The following VHLL variants were observed in gnomAD, a reference collection of about 807,000 sequenced individuals.
VHLL encodes the protein von Hippel-Lindau-like protein.
Under a neutral mutation model 3.5 loss-of-function variants are expected in VHLL, and 4 were observed. The ratio of observed to expected loss-of-function variants is 1.13; its 90% confidence interval spans 0.56 to 2.59. VHLL has a LOEUF of 2.59. VHLL is among the 30% of genes most tolerant of loss of function. The pLI is 0.02. For synonymous variants in VHLL, 77 were observed against 76.0 expected (o/e 1.01, Z -0.07); for missense variants, 155 against 178.2 (o/e 0.87, Z 0.74).
In VHLL at chr1:156,299,306, A is replaced by G; in HGVS notation, c.-117T>C. 2.3e-6 allele frequency: 3 copies of G among 1,304,884 alleles called. No homozygotes were observed. Among genetic ancestry groups the G allele is most frequent in the Non-Finnish European group, 3.1e-6 (3 of 955,774 alleles). The allele number at this position is 1,304,884 out of a possible 1,614,324, so 80.8% of individuals were successfully genotyped here. A position where few individuals can be genotyped will look rare whatever the true frequency, so the allele number is the denominator to read the frequency against. On this transcript the variant is annotated 5_prime_UTR_variant, in exon 1 of 1. Coordinates refer to ENST00000339922, the MANE Select transcript of VHLL (RefSeq NM_001004319.3). ...GAATCAGAAAGGCTGGGAGTATATA[A>G]CCCCCTACCTGGGTGGTAAGCAAGA...
Position 156,299,254 on chromosome 1 carries a change from AC to A in VHLL, c.-66del. 1 of 1,506,312 alleles carries A rather than the reference AC, an allele frequency of 6.6e-7. No homozygotes were observed. Among genetic ancestry groups the A allele is most frequent in the South Asian group, 1.3e-5 (1 of 74,118 alleles). 93.3% of individuals were successfully genotyped at this position (1,506,312 alleles called of 1,614,324 possible). A position where few individuals can be genotyped will look rare whatever the true frequency, so the allele number is the denominator to read the frequency against. The stretch of plus-strand genomic sequence containing the variant: ...GTTCTTAAAGAGACTACTTCCGTTC[AC>A]CCGGATTTCGGCAAGAGTTACAATG... On this transcript the variant is annotated 5_prime_UTR_variant, in exon 1 of 1. Coordinates refer to ENST00000339922, the MANE Select transcript of VHLL (RefSeq NM_001004319.3).
At position 156,299,002 on chromosome 1, in the gene VHLL, G is replaced by A; in HGVS notation, c.188C>T (p.Pro63Leu). ...LSRIIICNHSPRIVLPVWLNY... is the reference protein window; with the variant it reads ...LSRIIICNHSLRIVLPVWLNY... ...GAGCCACACAGGCAGCACGATTCGTGGGCTGTGATTGCAGATGATGATCCG... is the reference window on the plus strand; with the variant it reads ...GAGCCACACAGGCAGCACGATTCGTAGGCTGTGATTGCAGATGATGATCCG... Residue 63 changes from proline (P) to leucine (L), a missense_variant, in exon 1 of 1, where the codon CCA becomes CTA. Coordinates refer to ENST00000339922, the MANE Select transcript of VHLL (RefSeq NM_001004319.3). The A allele has an allele frequency of 6.2e-7, 1 of 1,613,616 alleles. No individual in the cohort carries two copies. Among genetic ancestry groups the A allele is most frequent in the Non-Finnish European group, 8.5e-7 (1 of 1,180,034 alleles).
chr1:156,298,886 T>C lies in VHLL; in HGVS notation c.304A>G (p.Arg102Gly), dbSNP rs755845455. 1.1e-5 allele frequency: 17 copies of C among 1,614,116 alleles called. No homozygotes were observed. The Admixed American group carries it at 2.7e-4, about 25-fold the overall frequency. The change falls in exon 1 of 1, where the codon AGA (arginine) becomes GGA (glycine). Residue 102 changes from arginine to glycine, a missense_variant. Transcript: ENST00000339922. Reference protein sequence around the residue: ...HNFRSHPWLFRDARTHDKLLV... With the variant: ...HNFRSHPWLFGDARTHDKLLV... Reference sequence around the variant, plus strand: ...AGCTTATCATGTGTCCTTGCATCTCTGAAGAGCCAAGGGTGGCTTCGGAAG... The same window carrying C: ...AGCTTATCATGTGTCCTTGCATCTCCGAAGAGCCAAGGGTGGCTTCGGAAG...
Position 156,298,922 on chromosome 1 carries a change from G to A in VHLL, c.268C>T (p.Arg90Cys), listed in dbSNP as rs1251713350. Residue 90 changes from arginine (R) to cysteine (C), a missense_variant, in exon 1 of 1, where the codon CGC (arginine) becomes TGC (cysteine). Arg to Cys is a radical substitution (Grantham distance 180). Coordinates refer to ENST00000339922, the MANE Select transcript of VHLL (RefSeq NM_001004319.3). Reference sequence around the variant, plus strand: ...GGGTGGCTTCGGAAGTTGTGGATGCGGAAGTCCCTGCCGGGCAGCAGCGTC... The same window carrying A: ...GGGTGGCTTCGGAAGTTGTGGATGCAGAAGTCCCTGCCGGGCAGCAGCGTC... ...YLTLLPGRDF[R>C]IHNFRSHPWL... is the part of the protein sequence containing the mutation. The A allele has an allele frequency of 9.3e-6, 15 of 1,614,036 alleles. No homozygotes were observed. The highest frequency in any genetic ancestry group is 3.3e-5 in the South Asian group (3 of 91,088).
rs765103329 is a variant in VHLL, at chr1:156,299,087, C to T, written c.103G>A (p.Glu35Lys). 5.0e-6 allele frequency: 8 copies of T among 1,613,494 alleles called. No homozygotes were observed. The highest frequency in any genetic ancestry group is 5.9e-6 in the Non-Finnish European group (7 of 1,179,972). The stretch of plus-strand genomic sequence containing the variant: ...GGCCATGCTGCTCTGGCTGCCATCT[C>T]CTCCTCGGCGCCCAACTCTTCCTGG... ...YCQEELGAEE[E>K]MAARAAWPVL... The change falls in exon 1 of 1, where the codon GAG (glutamate) becomes AAG (lysine). Residue 35 changes from glutamate (E) to lysine (K), a missense_variant. By Grantham distance (56) the Glu-to-Lys change is moderately conservative (BLOSUM62 1). Coordinates refer to ENST00000339922, the MANE Select transcript of VHLL (RefSeq NM_001004319.3).
Position 156,298,794 on chromosome 1 carries a change from G to A in VHLL, c.396C>T (p.Asn132=), listed in dbSNP as rs756039364. The A allele has an allele frequency of 6.2e-7, 1 of 1,614,078 alleles. No individual in the cohort carries two copies. Among genetic ancestry groups the A allele is most frequent in the Non-Finnish European group, 8.5e-7 (1 of 1,179,926 alleles). ...SNVNGQPVFA[N]ITLQCIP ...TTCAGGGTATACACTGCAGTGTGAT[G>A]TTGGCAAAAACAGGCTGTCCATTAA... Residue 132 remains asparagine, a synonymous_variant, in exon 1 of 1, where the codon AAC becomes AAT. Transcript: ENST00000339922.
Position 156,299,034 on chromosome 1 carries a change from C to G in VHLL, c.156G>C (p.Glu52Asp). ...WPVLRSVNSR[E>D]LSRIIICNHS... ...GATTGCAGATGATGATCCGGGAGAGCTCGCGTGAGTTCACAGAGCGCAGCA... is the reference window on the plus strand; with the variant it reads ...GATTGCAGATGATGATCCGGGAGAGGTCGCGTGAGTTCACAGAGCGCAGCA... Residue 52 changes from glutamate (E) to aspartate (D), a missense_variant, in exon 1 of 1, where the codon GAG becomes GAC. Transcript: ENST00000339922. 6.2e-7 allele frequency: 1 copy of G among 1,613,112 alleles called. No individual in the cohort carries two copies. The highest frequency in any genetic ancestry group is 2.2e-5 in the East Asian group (1 of 44,878).
rs779972882 is a variant in VHLL at position 156,298,928 on chromosome 1, C to T, written c.262G>A (p.Asp88Asn). ...CTTCGGAAGTTGTGGATGCGGAAGT[C>T]CCTGCCGGGCAGCAGCGTCAGGTAG... is the stretch of plus-strand genomic sequence containing the variant. ...LPYLTLLPGRDFRIHNFRSHP... is the reference protein window; with the variant it reads ...LPYLTLLPGRNFRIHNFRSHP... The change falls in exon 1 of 1, where the codon GAC (aspartate) becomes AAC (asparagine). Residue 88 changes from aspartate to asparagine, a missense_variant. Asp to Asn is a conservative substitution (Grantham distance 23). Coordinates refer to ENST00000339922, the MANE Select transcript of VHLL (RefSeq NM_001004319.3). The T allele has an allele frequency of 1.2e-6, 2 of 1,614,174 alleles. No individual in the cohort carries two copies. Among genetic ancestry groups the T allele is most frequent in the Admixed American group, 3.3e-5 (2 of 60,000 alleles).
Position 156,298,671 on chromosome 1 carries a change from G to T in VHLL, c.*99C>A. The T allele has an allele frequency of 7.2e-7, 1 of 1,389,560 alleles. No individual in the cohort carries two copies. The highest frequency in any genetic ancestry group is 9.9e-7 in the Non-Finnish European group (1 of 1,009,658). The allele number at this position is 1,389,560 out of a possible 1,614,324, so 86.1% of individuals were successfully genotyped here. A position where few individuals can be genotyped will look rare whatever the true frequency, so the allele number is the denominator to read the frequency against. On this transcript the variant is annotated 3_prime_UTR_variant, in exon 1 of 1. Coordinates refer to ENST00000339922, the MANE Select transcript of VHLL (RefSeq NM_001004319.3). The stretch of plus-strand genomic sequence containing the variant: ...GCTCCAGGTCTTTCAATCACATTTG[G>T]ATGATCTTCCAGATCGTCATAGAGT...
In VHLL at chr1:156,299,046, C is replaced by T; in HGVS notation, c.144G>A (p.Val48=). 6.2e-7 allele frequency: 1 copy of T among 1,613,238 alleles called. No individual in the cohort carries two copies. The highest frequency in any genetic ancestry group is 8.5e-7 in the Non-Finnish European group (1 of 1,180,016). ...TGATCCGGGAGAGCTCGCGTGAGTTCACAGAGCGCAGCACAGGCCATGCTG... is the reference window on the plus strand; with the variant it reads ...TGATCCGGGAGAGCTCGCGTGAGTTTACAGAGCGCAGCACAGGCCATGCTG... ...ARAAWPVLRS[V]NSRELSRIII... The change falls in exon 1 of 1, where the codon GTG becomes GTA. Residue 48 remains valine, a synonymous_variant. Coordinates refer to ENST00000339922, the MANE Select transcript of VHLL (RefSeq NM_001004319.3).
At position 156,299,071 on chromosome 1, in the gene VHLL, G is replaced by T. The variant is rs1310448671; in HGVS notation, c.119C>A (p.Ala40Glu). The part of the protein sequence containing the change: ...LGAEEEMAAR[A>E]AWPVLRSVNS... ...CACAGAGCGCAGCACAGGCCATGCT[G>T]CTCTGGCTGCCATCTCCTCCTCGGC... Residue 40 changes from alanine (A) to glutamate (E), a missense_variant, in exon 1 of 1, where the codon GCA becomes GAA. Coordinates refer to ENST00000339922, the MANE Select transcript of VHLL (RefSeq NM_001004319.3). 6.2e-7 allele frequency: 1 copy of T among 1,613,128 alleles called. No individual in the cohort carries two copies. The highest frequency in any genetic ancestry group is 1.3e-5 in the African/African-American group (1 of 74,894).
chr1:156,298,691 T>C lies in VHLL; in HGVS notation c.*79A>G, dbSNP rs1000768571. Reference sequence around the variant, plus strand: ...ATTTGGATGATCTTCCAGATCGTCATAGAGTGATCTGACGATGTCCAGTCT... The same window carrying C: ...ATTTGGATGATCTTCCAGATCGTCACAGAGTGATCTGACGATGTCCAGTCT... On this transcript the variant is annotated 3_prime_UTR_variant, in exon 1 of 1. Coordinates refer to ENST00000339922, the MANE Select transcript of VHLL (RefSeq NM_001004319.3). 55 of 1,469,010 alleles carry C rather than the reference T, an allele frequency of 3.7e-5. 2 individuals carry two copies. Among genetic ancestry groups the C allele is most frequent in the South Asian group, 2.9e-4 (23 of 79,270 alleles). The allele number at this position is 1,469,010 out of a possible 1,614,324, so 91.0% of individuals were successfully genotyped here.
Position 156,298,716 on chromosome 1 carries a change from TCC to T in VHLL, c.*52_*53del. ...TAGAGTGATCTGACGATGTCCAGTC[TCC>T]TGTAATTCTTGGGCTTGACTAGGCT... is the stretch of plus-strand genomic sequence containing the variant. On this transcript the variant is annotated 3_prime_UTR_variant, in exon 1 of 1. Transcript: ENST00000339922. 6.4e-7 allele frequency: 1 copy of T among 1,560,476 alleles called. No homozygotes were observed. The highest frequency in any genetic ancestry group is 8.7e-7 in the Non-Finnish European group (1 of 1,143,998).
chr1:156,298,699 T>A lies in VHLL; in HGVS notation c.*71A>T. The A allele has an allele frequency of 6.6e-7, 1 of 1,509,830 alleles. No homozygotes were observed. The highest frequency in any genetic ancestry group is 9.0e-7 in the Non-Finnish European group (1 of 1,105,158). The allele number at this position is 1,509,830 out of a possible 1,614,324, so 93.5% of individuals were successfully genotyped here. On this transcript the variant is annotated 3_prime_UTR_variant, in exon 1 of 1. Transcript: ENST00000339922. ...GATCTTCCAGATCGTCATAGAGTGA[T>A]CTGACGATGTCCAGTCTCCTGTAAT... is the stretch of plus-strand genomic sequence containing the variant.
rs768476127 is a variant in VHLL, at chr1:156,299,066, A to G, written c.124T>C (p.Trp42Arg). The change falls in exon 1 of 1, where the codon TGG becomes CGG. Residue 42 changes from tryptophan (W) to arginine (R), a missense_variant. By Grantham distance (101) the Trp-to-Arg change is moderately radical. Transcript: ENST00000339922. Reference sequence around the variant, plus strand: ...GAGTTCACAGAGCGCAGCACAGGCCATGCTGCTCTGGCTGCCATCTCCTCC... The same window carrying G: ...GAGTTCACAGAGCGCAGCACAGGCCGTGCTGCTCTGGCTGCCATCTCCTCC... ...AEEEMAARAA[W>R]PVLRSVNSRE... 6 of 1,613,188 alleles carry G rather than the reference A, an allele frequency of 3.7e-6. No homozygotes were observed. In the Admixed American group the frequency reaches 6.7e-5, roughly 18 times the overall value.
Position 156,299,066 on chromosome 1 carries a change from A to T in VHLL, c.124T>A (p.Trp42Arg). The T allele has an allele frequency of 6.2e-7, 1 of 1,613,306 alleles. No individual in the cohort carries two copies. Among genetic ancestry groups the T allele is most frequent in the Middle Eastern group, 1.6e-4 (1 of 6,062 alleles). ...AEEEMAARAA[W>R]PVLRSVNSRE... ...GAGTTCACAGAGCGCAGCACAGGCCATGCTGCTCTGGCTGCCATCTCCTCC... is the reference window on the plus strand; with the variant it reads ...GAGTTCACAGAGCGCAGCACAGGCCTTGCTGCTCTGGCTGCCATCTCCTCC... Residue 42 changes from tryptophan to arginine, a missense_variant, in exon 1 of 1, where the codon TGG becomes AGG. Physicochemically the swap from Trp to Arg is moderately radical, Grantham distance 101. Coordinates refer to ENST00000339922, the MANE Select transcript of VHLL (RefSeq NM_001004319.3).
rs369681831 is a variant in VHLL, at chr1:156,299,265, G to C, written c.-76C>G. 2.7e-6 allele frequency: 4 copies of C among 1,498,258 alleles called. No homozygotes were observed. Among genetic ancestry groups the C allele is most frequent in the African/African-American group, 1.4e-5 (1 of 71,178 alleles). The allele number at this position is 1,498,258 out of a possible 1,614,324, so 92.8% of individuals were successfully genotyped here. A position where few individuals can be genotyped will look rare whatever the true frequency, so the allele number is the denominator to read the frequency against. On this transcript the variant is annotated 5_prime_UTR_variant, in exon 1 of 1. Transcript: ENST00000339922. ...GACTACTTCCGTTCACCCGGATTTCGGCAAGAGTTACAATGGAATCAGAAA... is the reference window on the plus strand; with the variant it reads ...GACTACTTCCGTTCACCCGGATTTCCGCAAGAGTTACAATGGAATCAGAAA...
At position 156,299,044 on chromosome 1, in the gene VHLL, T is replaced by C; in HGVS notation, c.146A>G (p.Asn49Ser). Residue 49 changes from asparagine (N) to serine (S), a missense_variant, in exon 1 of 1, where the codon AAC becomes AGC. Coordinates refer to ENST00000339922, the MANE Select transcript of VHLL (RefSeq NM_001004319.3). ...RAAWPVLRSVNSRELSRIIIC... is the reference protein window; with the variant it reads ...RAAWPVLRSVSSRELSRIIIC... ...GATGATCCGGGAGAGCTCGCGTGAGTTCACAGAGCGCAGCACAGGCCATGC... is the reference window on the plus strand; with the variant it reads ...GATGATCCGGGAGAGCTCGCGTGAGCTCACAGAGCGCAGCACAGGCCATGC... The C allele has an allele frequency of 6.2e-7, 1 of 1,613,082 alleles. No individual in the cohort carries two copies. Among genetic ancestry groups the C allele is most frequent in the Non-Finnish European group, 8.5e-7 (1 of 1,179,960 alleles).
Position 156,299,245 on chromosome 1 carries a change from C to T in VHLL, c.-56G>A. 2 of 1,510,374 alleles carry T rather than the reference C, an allele frequency of 1.3e-6. No homozygotes were observed. The highest frequency in any genetic ancestry group is 2.7e-5 in the South Asian group (2 of 74,600). The allele number at this position is 1,510,374 out of a possible 1,614,324, so 93.6% of individuals were successfully genotyped here. A position where few individuals can be genotyped will look rare whatever the true frequency, so the allele number is the denominator to read the frequency against. ...CCCATACCAGTTCTTAAAGAGACTA[C>T]TTCCGTTCACCCGGATTTCGGCAAG... On this transcript the variant is annotated 5_prime_UTR_variant, in exon 1 of 1. Transcript: ENST00000339922.
Sources: allele counts gnomAD v4.1 joint callset, GRCh38; gene constraint gnomAD v4.1.1; transcripts MANE v1.5; gene names NCBI Gene and HGNC (gene_info 2026-07-23, HGNC 2026-07-21).